Variants in CBY2 observed in about 807,000 individuals in gnomAD.
CBY2 encodes chibby family member 2.
CBY2 carries 23 observed loss-of-function variants against 25.3 expected under a neutral mutation model. The ratio of observed to expected loss-of-function variants is 0.91; its 90% confidence interval spans 0.65 to 1.29. CBY2 has a LOEUF of 1.29. CBY2 is among the 50% of genes most tolerant of loss of function. CBY2 has a pLI of 0.00. For synonymous variants in CBY2, 279 were observed against 260.2 expected (o/e 1.07, Z -0.70); for missense variants, 642 against 590.7 (o/e 1.09, Z -0.90).
At position 45,703,265 on chromosome 13, in the gene CBY2, C is replaced by T. The variant is rs188207699; in HGVS notation, c.156+410C>T. 143 of 1,305,254 alleles carry T rather than the reference C, an allele frequency of 1.1e-4. 1 individual carries two copies. The East Asian group carries it at 1.4e-3, about 13-fold the overall frequency. The allele number at this position is 1,305,254 out of a possible 1,614,324, so 80.9% of individuals were successfully genotyped here. A position where few individuals can be genotyped will look rare whatever the true frequency, so the allele number is the denominator to read the frequency against. ...GAATCCATGAGAAGAAAACCTCATC[C>T]GTGGACAAAGGGGTACAGAGTTATT... On this transcript the variant is annotated intron_variant, in intron 2 of 2. Coordinates refer to ENST00000310521, the MANE Select transcript of CBY2 (RefSeq NM_152719.3).
At chr13:45,705,319 G>A (rs1019927296) in intron 2 of CBY2, among the ~76,000 whole-genome samples, 3 of 152,144 alleles carry the variant, frequency 2.0e-5, no homozygotes, top group African/African-American at 4.8e-5. Flanking sequence ...CGTGCTCTGT[G>A]AATTTCATTA....
rs17246048 is a variant in CBY2, at chr13:45,704,532, G to A, written c.156+1677G>A. Among the ~76,000 whole-genome samples the A allele has an allele frequency of 0.017, 2,560 of 152,258 alleles. 27 individuals are homozygous for A. The highest frequency in any genetic ancestry group is 0.072 in the Middle Eastern group (21 of 292). ...GTGGGTGTCTACAACTAGATGATCC[G>A]AACCAAAATACCACCAGGCCTGCGA... On this transcript the variant is annotated intron_variant, in intron 2 of 2. Transcript: ENST00000310521. This position sits in a 1 kb window ranked among gnomAD's most constrained non-coding sequence, Gnocchi z 4.1.
At chr13:45,703,258 C>G in intron 2 of CBY2, 1 of 1,297,178 alleles carries the variant, frequency 7.7e-7, no homozygotes, top group South Asian at 2.2e-5. Context: ...GAGAAGAAAA[C>G]CTCATCCGTG....
chr13:45,710,950 A>G (rs755745054), intron 2 of CBY2, among the ~76,000 whole-genome samples: 104 of 151,990 alleles, frequency 6.8e-4, no homozygotes, highest in Non-Finnish European at 1.2e-3. Flanking sequence ...CTCTACATAC[A>G]CCCACACATA....
intron 2 of CBY2, among the ~76,000 whole-genome samples, chr13:45,706,947 C>T (rs1456905508): frequency 7.2e-5 from 11 of 152,144 alleles, no homozygotes; most frequent in African/African-American, 1.9e-4. Flanking sequence ...CGTTGCATAG[C>T]GCTTTAGGCT....
intron 2 of CBY2, chr13:45,703,483 C>T: frequency 1.3e-6 from 2 of 1,549,426 alleles, no homozygotes; most frequent in South Asian, 2.4e-5. Context: ...GCTGCTATGT[C>T]ACAAAGGGGT....
chr13:45,714,361 A>G lies in CBY2; in HGVS notation c.1336A>G (p.Ser446Gly), dbSNP rs1950301401. 6.2e-7 allele frequency: 1 copy of G among 1,603,750 alleles called. No homozygotes were observed. Among genetic ancestry groups the G allele is most frequent in the African/African-American group, 1.3e-5 (1 of 74,800 alleles). The change falls in exon 3 of 3, where the codon AGC becomes GGC. Residue 446 changes from serine to glycine, a missense_variant. Ser to Gly is a moderately conservative substitution (Grantham distance 56). Coordinates refer to ENST00000310521, the MANE Select transcript of CBY2 (RefSeq NM_152719.3). Reference sequence around the variant, plus strand: ...CAGGAGCCAGGACCCCAAGAAGCCTAGCAGGGTCTGAGGCCTCGGCCTTGC... The same window carrying G: ...CAGGAGCCAGGACCCCAAGAAGCCTGGCAGGGTCTGAGGCCTCGGCCTTGC... ...PARSQDPKKP[S>G]RV
intron 2 of CBY2, among the ~76,000 whole-genome samples, chr13:45,709,290 G>C (rs1180015152): frequency 6.6e-6 from 1 of 152,188 alleles, no homozygotes; most frequent in Non-Finnish European, 1.5e-5. Context: ...TATTTCTGTT[G>C]AGGGGATGAC....
chr13:45,702,407 G>A lies in CBY2; in HGVS notation c.17G>A (p.Cys6Tyr), dbSNP rs1209417854. 12 of 1,614,172 alleles carry A rather than the reference G, an allele frequency of 7.4e-6. No individual in the cohort carries two copies. The highest frequency in any genetic ancestry group is 9.3e-6 in the Non-Finnish European group (11 of 1,179,988). MSPLE[C>Y]SECFGDQLLH... ...TGTTTTGTGATGTCACCTCTGGAAT[G>A]TTCTGAGTGTTTTGGTGACCAACTT... Residue 6 changes from cysteine (C) to tyrosine (Y), a missense_variant, in exon 1 of 3, where the codon TGT becomes TAT. Cys to Tyr is a radical substitution (Grantham distance 194). Transcript: ENST00000310521.
rs767161241 is a variant in CBY2, at chr13:45,713,150, T to C, written c.157-32T>C. The stretch of plus-strand genomic sequence containing the variant: ...AGCCCCAAGTGTGTCAGTCCCATCG[T>C]TAACGCTGGGCTTTCCCATTCTCTC... On this transcript the variant is annotated intron_variant, in intron 2 of 2. Transcript: ENST00000310521. The surrounding 1 kb of genome is among the most constrained non-coding windows in gnomAD (Gnocchi z 5.0). 1.3e-6 allele frequency: 2 copies of C among 1,548,076 alleles called. No homozygotes were observed. Among genetic ancestry groups the C allele is most frequent in the South Asian group, 2.4e-5 (2 of 84,046 alleles).
Position 45,713,572 on chromosome 13 carries a change from C to A in CBY2, c.547C>A (p.Arg183Ser), listed in dbSNP as rs147259767. ...TCTGCGGGAGGAGAACAAGGCCCTG[C>A]GCGAGGAGAACCGGATGCTCAGCAA... The part of the protein sequence containing the change: ...KSLREENKAL[R>S]EENRMLSKEN... Residue 183 changes from arginine to serine, a missense_variant, in exon 3 of 3, where the codon CGC (arginine) becomes AGC (serine). Transcript: ENST00000310521. The surrounding 1 kb of genome is among the most constrained non-coding windows in gnomAD (Gnocchi z 5.0). The A allele has an allele frequency of 1.1e-3, 1,729 of 1,613,736 alleles. 5 individuals are homozygous for A. Among genetic ancestry groups the A allele is most frequent in the Non-Finnish European group, 1.3e-3 (1,573 of 1,179,832 alleles).
chr13:45,704,510 G>C lies in CBY2; in HGVS notation c.156+1655G>C, dbSNP rs117834704. On this transcript the variant is annotated intron_variant, in intron 2 of 2. Coordinates refer to ENST00000310521, the MANE Select transcript of CBY2 (RefSeq NM_152719.3). The surrounding 1 kb of genome is among the most constrained non-coding windows in gnomAD (Gnocchi z 4.1). ...ACTGGCACTCTGGGGGATGGGTGTGGGTGTCTACAACTAGATGATCCGAAC... is the reference window on the plus strand; with the variant it reads ...ACTGGCACTCTGGGGGATGGGTGTGCGTGTCTACAACTAGATGATCCGAAC... Among the ~76,000 whole-genome samples the C allele has an allele frequency of 1.3e-5, 2 of 152,276 alleles. No homozygotes were observed. The highest frequency in any genetic ancestry group is 2.9e-5 in the Non-Finnish European group (2 of 68,018).
intron 2 of CBY2, among the ~76,000 whole-genome samples, chr13:45,711,444 C>T (rs1350602844): frequency 1.3e-5 from 2 of 152,048 alleles, no homozygotes; most frequent in Non-Finnish European, 2.9e-5. Flanking sequence ...GTCTGGGTCT[C>T]AAAGAGGATA....
At chr13:45,708,013 T>A (rs1036694959) in intron 2 of CBY2, among the ~76,000 whole-genome samples, 3 of 152,210 alleles carry the variant, frequency 2.0e-5, no homozygotes, top group African/African-American at 7.2e-5. Context: ...CAGCTCTTTA[T>A]AAACAAAGAA....
chr13:45,713,316 C>T lies in CBY2; in HGVS notation c.291C>T (p.Ser97=), dbSNP rs952792286. 1.2e-6 allele frequency: 2 copies of T among 1,614,050 alleles called. No homozygotes were observed. The highest frequency in any genetic ancestry group is 1.7e-5 in the Admixed American group (1 of 60,016). The change falls in exon 3 of 3, where the codon TCC becomes TCT. Residue 97 remains serine, a synonymous_variant. Coordinates refer to ENST00000310521, the MANE Select transcript of CBY2 (RefSeq NM_152719.3). This position sits in a 1 kb window ranked among gnomAD's most constrained non-coding sequence, Gnocchi z 5.0. ...QHSYPLNRFS[S]VPLDPMERPM... is the part of the protein sequence containing the mutation. ...CCTATCCACTGAACCGCTTCTCCTC[C>T]GTGCCTTTAGACCCCATGGAGCGCC...
chr13:45,714,441 T>C lies in CBY2; in HGVS notation c.*69T>C. 7.3e-7 allele frequency: 1 copy of C among 1,374,058 alleles called. No homozygotes were observed. Among genetic ancestry groups the C allele is most frequent in the Non-Finnish European group, 9.8e-7 (1 of 1,018,312 alleles). 85.1% of individuals were successfully genotyped at this position (1,374,058 alleles called of 1,614,324 possible). On this transcript the variant is annotated 3_prime_UTR_variant, in exon 3 of 3. Transcript: ENST00000310521. ...ACTGGGCAAAAGAGAATCCCCTGCC[T>C]TCCTTTGTCGTCCTCGCCTTCCCCA...
chr13:45,703,133 A>G (rs1593352946), intron 2 of CBY2: 8 of 1,275,804 alleles, frequency 6.3e-6, no homozygotes, highest in Non-Finnish European at 7.9e-6. Flanking sequence ...ACACTGAAGT[A>G]ACCCAGCCTT....
At chr13:45,707,716 A>C (rs533195254) in intron 2 of CBY2, among the ~76,000 whole-genome samples, 66 of 152,376 alleles carry the variant, frequency 4.3e-4, no homozygotes, top group African/African-American at 1.5e-3. Flanking sequence ...ATATTAGCAC[A>C]TGCAAAATAA....
chr13:45,711,695 T>C (rs150152132), intron 2 of CBY2, among the ~76,000 whole-genome samples: 1 of 152,186 alleles, frequency 6.6e-6, no homozygotes, highest in Admixed American at 6.5e-5. Flanking sequence ...CTCAGAAATC[T>C]GCATTTAAAA....
Sources: allele counts gnomAD v4.1 joint callset (sites outside exome capture counted in the v4.1 genomes callset), GRCh38; gene constraint gnomAD v4.1.1; non-coding constraint Gnocchi (gnomAD v3.1); transcripts MANE v1.5; gene names NCBI Gene and HGNC (gene_info 2026-07-23, HGNC 2026-07-21).